Variants in CTNNA2 observed in about 807,000 individuals in gnomAD.
CTNNA2 encodes the protein catenin alpha-2.
CTNNA2 carries 42 observed loss-of-function variants against 101.0 expected under a neutral mutation model. The ratio of observed to expected loss-of-function variants is 0.42; its 90% CI spans 0.32 to 0.54. CTNNA2 has a LOEUF of 0.54. Among genes scored for constraint, CTNNA2 ranks in the 20% least tolerant of loss-of-function variants. The pLI is 0.14. For synonymous variants in CTNNA2, 450 were observed against 456.4 expected, an observed-to-expected ratio of 0.99 and a Z score of 0.18; for missense variants, 871 against 1,223.1, an observed-to-expected ratio of 0.71 and a Z score of 4.29.
At chr2:80,296,993 A>G (rs1456967348) in intron 7 of CTNNA2, among the ~76,000 whole-genome samples, 1 of 152,122 alleles carries the variant, frequency 6.6e-6, no homozygotes, top group Non-Finnish European at 1.5e-5. Context: ...TCTCTACTTT[A>G]CTCTCTCTGA....
In CTNNA2 at chr2:79,303,350, C is replaced by T. The variant is rs901180461; in HGVS notation, c.-405-9359C>T. On this transcript the variant is annotated intron_variant, in intron 2 of 21. Transcript: ENST00000466387. ...CTCTCCAGGTTCCTCTGACTCCAGG[C>T]TACTTTGTTGTTGTGTAAACATCAG... Among the ~76,000 whole-genome samples, 4 of 152,280 alleles carry T rather than the reference C, an allele frequency of 2.6e-5. 1 individual carries two copies. Among genetic ancestry groups the T allele is most frequent in the Non-Finnish European group, 5.9e-5 (4 of 68,018 alleles).
chr2:80,477,251 G>C (rs368022608), intron 9 of CTNNA2, among the ~76,000 whole-genome samples: 76 of 152,164 alleles, frequency 5.0e-4, no homozygotes, highest in African/African-American at 1.8e-3. Flanking sequence ...ATGAACACTT[G>C]TTTTTGATTC....
chr2:80,563,437 G>T (rs1191668430), intron 12 of CTNNA2, among the ~76,000 whole-genome samples: 2 of 152,188 alleles, frequency 1.3e-5, no homozygotes, highest in Non-Finnish European at 2.9e-5. Flanking sequence ...ATGAAAAAAT[G>T]GGAACCTTTG....
At chr2:80,042,588 C>T (rs185359183) in intron 7 of CTNNA2, among the ~76,000 whole-genome samples, 3 of 151,922 alleles carry the variant, frequency 2.0e-5, no homozygotes, top group Middle Eastern at 3.4e-3. Context: ...AACAATGTGT[C>T]GAGAAGGATC....
chr2:79,549,733 T>C (rs886205345), intron 1 of CTNNA2, among the ~76,000 whole-genome samples: 1 of 152,212 alleles, frequency 6.6e-6, no homozygotes, highest in African/African-American at 2.4e-5. Context: ...TCAGGACTCA[T>C]CTGTTTTTTG....
chr2:79,590,218 A>G (rs969044235), intron 1 of CTNNA2, among the ~76,000 whole-genome samples: 2 of 152,220 alleles, frequency 1.3e-5, no homozygotes, highest in Non-Finnish European at 1.5e-5. Context: ...TTGCTGAAAC[A>G]TGTATACTTA....
At chr2:79,296,722 G>C (rs892944793) in intron 2 of CTNNA2, among the ~76,000 whole-genome samples, 3 of 152,064 alleles carry the variant, frequency 2.0e-5, no homozygotes, top group Non-Finnish European at 4.4e-5. Context: ...CTCCCAAAAA[G>C]TAATGCCCTT....
At chr2:79,419,330 G>A (rs549571879) in intron 4 of CTNNA2, among the ~76,000 whole-genome samples, 13 of 152,202 alleles carry the variant, frequency 8.5e-5, no homozygotes, top group East Asian at 1.9e-4. Context: ...ATGCTAGTTC[G>A]AAGAGCACTG....
chr2:80,244,332 A>G (rs78350142), intron 7 of CTNNA2, among the ~76,000 whole-genome samples: 508 of 152,362 alleles, frequency 3.3e-3, no homozygotes, highest in Middle Eastern at 6.8e-3. Flanking sequence ...ACGATTCTTA[A>G]CAAAGAGAAA....
intron 18 of CTNNA2, among the ~76,000 whole-genome samples, chr2:80,631,967 G>GA (rs749301258): frequency 6.6e-6 from 1 of 151,454 alleles, no homozygotes; most frequent in Admixed American, 6.6e-5. Flanking sequence ...TTTGAATCTG[G>GA]AAAAAAAATA....
intron 1 of CTNNA2, among the ~76,000 whole-genome samples, chr2:79,584,580 A>G (rs1186690757): frequency 6.6e-6 from 1 of 150,442 alleles, no homozygotes; most frequent in Non-Finnish European, 1.5e-5. Context: ...GCTGGAGTGC[A>G]ATGGCACGAT....
At chr2:79,492,596 T>C (rs1406071733) in intron 4 of CTNNA2, among the ~76,000 whole-genome samples, 1 of 152,084 alleles carries the variant, frequency 6.6e-6, no homozygotes, top group Non-Finnish European at 1.5e-5. Context: ...GGATTTAAAT[T>C]TGAACTTTCA....
At chr2:80,114,647 T>A (rs1406551152) in intron 7 of CTNNA2, among the ~76,000 whole-genome samples, 1 of 152,168 alleles carries the variant, frequency 6.6e-6, no homozygotes. Context: ...CACATAGAAG[T>A]TCAGGAGTTG....
intron 3 of CTNNA2, among the ~76,000 whole-genome samples, chr2:79,770,222 TGA>T (rs761123924): frequency 6.6e-6 from 1 of 152,164 alleles, no homozygotes; most frequent in Non-Finnish European, 1.5e-5. Context: ...TCAATAATGC[TGA>T]GGTTGAGAAA....
intron 3 of CTNNA2, among the ~76,000 whole-genome samples, chr2:79,780,863 G>A (rs1674367242): frequency 6.6e-6 from 1 of 152,134 alleles, no homozygotes; most frequent in South Asian, 2.1e-4. Flanking sequence ...TAGAGAAGAA[G>A]ATTTAAAGGT....
At chr2:80,533,707 T>C (rs767546210) in intron 9 of CTNNA2, among the ~76,000 whole-genome samples, 2 of 152,136 alleles carry the variant, frequency 1.3e-5, no homozygotes, top group Non-Finnish European at 2.9e-5. Context: ...TCACTGGAAA[T>C]AAGTTGAGAT....
rs551967676 is a variant in CTNNA2 at position 79,232,912 on chromosome 2, T to G, written c.-406+34836T>G. ...TGTCTTTGTCATTTCTGATTGCACT[T>G]ATTTGGATCTTTTTTTCATCTTCTT... On this transcript the variant is annotated intron_variant, in intron 2 of 21. Coordinates refer to the CTNNA2 transcript ENST00000466387. 2.6e-5 allele frequency among the ~76,000 whole-genome samples: 4 copies of G among 152,294 alleles called. No homozygotes were observed. The East Asian group carries it at 7.7e-4, about 29-fold the overall frequency.
chr2:80,064,997 A>G (rs1448995846), intron 7 of CTNNA2, among the ~76,000 whole-genome samples: 1 of 152,214 alleles, frequency 6.6e-6, no homozygotes, highest in African/African-American at 2.4e-5. Context: ...TTATACTTTA[A>G]TATATAAATT....
chr2:80,539,509 C>G (rs1165875300), intron 9 of CTNNA2, among the ~76,000 whole-genome samples: 1 of 151,944 alleles, frequency 6.6e-6, no homozygotes, highest in African/African-American at 2.4e-5. Context: ...GTTTACCTCT[C>G]CATGATATGT....
Sources: gnomAD v4.1 joint callset for allele counts (sites outside exome capture counted in the v4.1 genomes callset) on GRCh38, gnomAD v4.1.1 for gene constraint, MANE v1.5 for transcripts, NCBI Gene and HGNC (gene_info 2026-07-23, HGNC 2026-07-21) for gene names.